TENM3: variants seen among roughly 807,000 people sequenced by gnomAD.
The protein encoded by TENM3 is teneurin-3.
TENM3 carries 63 observed loss-of-function variants against 255.1 expected under a neutral mutation model. The ratio of observed to expected loss-of-function variants is 0.25; its 90% CI spans 0.20 to 0.30. The LOEUF (loss-of-function observed/expected upper bound fraction) is 0.30, where lower values mean the gene tolerates loss of function less well. Among genes scored for constraint, TENM3 ranks in the 10% least tolerant of loss-of-function variants. The probability of loss-of-function intolerance (pLI) is 1.00; values close to 1 mark genes in which losing one functional copy is unlikely to be tolerated. For missense variants in TENM3, 2,929 were observed against 3,461.1 expected, an observed-to-expected ratio of 0.85 and a Z score of 3.86; for synonymous variants, 1,306 against 1,322.3, an observed-to-expected ratio of 0.99 and a Z score of 0.27.
the TENM3 span, among the ~76,000 whole-genome samples, chr4:181,719,246 A>C: frequency 1.7e-4 from 26 of 150,626 alleles, no homozygotes; most frequent in Non-Finnish European, 3.7e-4. Flanking sequence ...AAATAAAATA[A>C]AAATGAAAAT....
chr4:181,525,396 C>CAAAAAAAAAAAAAAAAAAAA, the TENM3 span, among the ~76,000 whole-genome samples: 80 of 97,288 alleles, frequency 8.2e-4, no homozygotes, highest in Admixed American at 3.1e-3. Flanking sequence ...GACCCTGTTT[C>CAAAAAAAAAAAAAAAAAAAA]AAAAAAAAAA....
the TENM3 span, among the ~76,000 whole-genome samples, chr4:181,578,284 A>C: frequency 3.9e-5 from 6 of 152,182 alleles, no homozygotes; most frequent in African/African-American, 1.4e-4. Flanking sequence ...CTTTGTCTGG[A>C]GGTCTGCACT....
In TENM3 at chr4:182,601,087, G is replaced by T; in HGVS notation, c.675G>T (p.Glu225Asp). 1 of 1,613,796 alleles carries T rather than the reference G, an allele frequency of 6.2e-7. No individual in the cohort carries two copies. Among genetic ancestry groups the T allele is most frequent in the Non-Finnish European group, 8.5e-7 (1 of 1,179,862 alleles). Residue 225 changes from glutamate (E) to aspartate (D), a missense_variant, in exon 4 of 28, where the codon GAG becomes GAT. Glu to Asp is a conservative substitution (Grantham distance 45). Transcript: ENST00000511685. ...SPAPPAALPA[E>D]LQTTPESVQL... ...CCCCGCCGGCTGCTTTGCCCGCCGA[G>T]CTGCAAACCACACCCGAGTCCGTCC... is the stretch of plus-strand genomic sequence containing the variant.
intron 4 of TENM3, among the ~76,000 whole-genome samples, chr4:182,622,789 A>G (rs1309603024): frequency 2.0e-5 from 3 of 152,034 alleles, no homozygotes; most frequent in Non-Finnish European, 4.4e-5. Flanking sequence ...TATTTTACAC[A>G]TATTTATTGA....
the TENM3 span, among the ~76,000 whole-genome samples, chr4:181,978,854 G>A: frequency 1.6e-3 from 236 of 150,802 alleles, no homozygotes; most frequent in Non-Finnish European, 2.9e-3. Context: ...AGTATGAATT[G>A]TGGTCTCTTG....
At chr4:182,743,689 C>T (rs998744987) in intron 19 of TENM3, among the ~76,000 whole-genome samples, 1 of 152,130 alleles carries the variant, frequency 6.6e-6, no homozygotes, top group African/African-American at 2.4e-5. Context: ...AAGGCTAGAG[C>T]TATGATTCTT....
chr4:181,905,241 T>C, the TENM3 span, among the ~76,000 whole-genome samples: 74 of 152,354 alleles, frequency 4.9e-4, 1 homozygote, highest in African/African-American at 1.7e-3. Context: ...TAAGTATGTA[T>C]TTCTTATCTC....
At chr4:182,715,366 G>A (rs564628603) in intron 13 of TENM3, among the ~76,000 whole-genome samples, 4 of 152,340 alleles carry the variant, frequency 2.6e-5, no homozygotes, top group East Asian at 3.9e-4. Flanking sequence ...TGGCTAGAGT[G>A]TAGGTTTTGG....
chr4:181,883,283 C>T, the TENM3 span, among the ~76,000 whole-genome samples: 1 of 152,090 alleles, frequency 6.6e-6, no homozygotes, highest in Non-Finnish European at 1.5e-5. Flanking sequence ...TGTGGGTGCA[C>T]ACGTGTGTGT....
chr4:182,177,904 C>G (rs546703691), intron 1 of TENM3, among the ~76,000 whole-genome samples: 2 of 146,110 alleles, frequency 1.4e-5, no homozygotes, highest in Admixed American at 1.4e-4. Context: ...AATCTATGGG[C>G]AAAAGACGAA....
chr4:182,550,240 G>C (rs116135004), intron 3 of TENM3, among the ~76,000 whole-genome samples: 1 of 152,176 alleles, frequency 6.6e-6, no homozygotes, highest in Non-Finnish European at 1.5e-5. Flanking sequence ...ATGTATGTAC[G>C]TTGATTTACA....
chr4:182,668,735 T>G (rs1270608980), intron 6 of TENM3, among the ~76,000 whole-genome samples: 1 of 152,164 alleles, frequency 6.6e-6, no homozygotes, highest in Non-Finnish European at 1.5e-5. Context: ...AATTAATTTG[T>G]GGAGAAAGAA....
At chr4:181,901,732 G>A in the TENM3 span, among the ~76,000 whole-genome samples, 253 of 152,144 alleles carry the variant, frequency 1.7e-3, 2 homozygotes, top group African/African-American at 4.4e-3. Flanking sequence ...TCACCACAAT[G>A]TTTTCCCACT....
the TENM3 span, among the ~76,000 whole-genome samples, chr4:182,031,460 T>A: frequency 6.6e-6 from 1 of 152,230 alleles, no homozygotes; most frequent in Non-Finnish European, 1.5e-5. Context: ...ACTGTAGCGT[T>A]GCAGTGTAGT....
rs532147749 is a variant in TENM3 at position 182,604,945 on chromosome 4, C to T, written c.749+3784C>T. Among the ~76,000 whole-genome samples, 5 of 152,160 alleles carry T rather than the reference C, an allele frequency of 3.3e-5. No homozygotes were observed. In the South Asian group the frequency reaches 8.3e-4, roughly 25 times the overall value. On this transcript the variant is annotated intron_variant, in intron 4 of 27. Transcript: ENST00000511685. ...GCATTAATGTGAGATCAATTGTTAA[C>T]GTCGTTAAAAAAACAGAATACCTAA...
rs144733881 is a variant in TENM3 at position 182,638,632 on chromosome 4, G to A, written c.988+9743G>A. ...ATGTTATTAATGATAAGAACTTCCA[G>A]TCCTTCTGTTACCTGTTACATTTTA... On this transcript the variant is annotated intron_variant, in intron 5 of 27. Transcript: ENST00000511685. 5.2e-3 allele frequency among the ~76,000 whole-genome samples: 787 copies of A among 152,264 alleles called. 7 individuals carry two copies. Among genetic ancestry groups the A allele is most frequent in the African/African-American group, 0.018 (752 of 41,546 alleles).
intron 3 of TENM3, among the ~76,000 whole-genome samples, chr4:182,556,446 C>G (rs973142732): frequency 6.6e-6 from 1 of 152,086 alleles, no homozygotes; most frequent in African/African-American, 2.4e-5. Flanking sequence ...TGCGAACTAT[C>G]CCAAAATTGA....
At chr4:182,145,864 T>C (rs575175712) in intron 1 of TENM3, among the ~76,000 whole-genome samples, 12 of 152,320 alleles carry the variant, frequency 7.9e-5, no homozygotes, top group African/African-American at 2.6e-4. Context: ...TCTGGCAGAA[T>C]CCACTGGGTG....
At chr4:181,985,876 GTTTCT>G in the TENM3 span, among the ~76,000 whole-genome samples, 1 of 152,004 alleles carries the variant, frequency 6.6e-6, no homozygotes, top group Non-Finnish European at 1.5e-5. Flanking sequence ...TCTAGTTAAG[GTTTCT>G]TTTCTCTTTC....
Sources: allele counts gnomAD v4.1 joint callset (sites outside exome capture counted in the v4.1 genomes callset), GRCh38; gene constraint gnomAD v4.1.1; transcripts MANE v1.5; gene names NCBI Gene and HGNC (gene_info 2026-07-23, HGNC 2026-07-21).